WDR17: variants seen among roughly 807,000 people sequenced by gnomAD.
WDR17 encodes WD repeat domain 17, also known as WD repeat-containing protein 17.
Under a neutral mutation model 161.7 loss-of-function variants are expected in WDR17, and 143 were observed. The ratio of observed to expected loss-of-function variants is 0.88; its 90% confidence interval spans 0.77 to 1.02. The LOEUF (loss-of-function observed/expected upper bound fraction) is 1.02. Among genes scored for constraint, WDR17 ranks in the 50% least tolerant of loss-of-function variants. The pLI is 0.00. For missense variants in WDR17, 1,469 were observed against 1,520.9 expected (o/e 0.97, Z 0.57); for synonymous variants, 517 against 515.6 (o/e 1.00, Z -0.04).
rs1041812546 is a variant in WDR17 at position 176,151,383 on chromosome 4, C to A, written c.2305-429C>A. 3.9e-5 allele frequency among the ~76,000 whole-genome samples: 6 copies of A among 152,204 alleles called. No homozygotes were observed. The South Asian group carries it at 1.0e-3, about 26-fold the overall frequency. On this transcript the variant is annotated intron_variant, in intron 16 of 28. Transcript: ENST00000508596. ...AACAATGGGGTTCAATCTCTCCCCT[C>A]CCGTGTCCCACCCCCACACACACCC...
At chr4:176,175,414 T>C (rs935355155) in intron 26 of WDR17, among the ~76,000 whole-genome samples, 3 of 152,216 alleles carry the variant, frequency 2.0e-5, no homozygotes, top group East Asian at 1.9e-4. Flanking sequence ...AAACTTCTTA[T>C]ACTATAAAAT....
intron 18 of WDR17, among the ~76,000 whole-genome samples, chr4:176,157,900 A>T (rs1579218880): frequency 6.6e-6 from 1 of 152,324 alleles, no homozygotes; most frequent in Non-Finnish European, 1.5e-5. Context: ...CATAGGACAT[A>T]ACCAAGTGAA....
At chr4:176,130,287 A>G (rs567487786) in intron 6 of WDR17, among the ~76,000 whole-genome samples, 14 of 146,540 alleles carry the variant, frequency 9.6e-5, no homozygotes, top group Non-Finnish European at 2.1e-4. Flanking sequence ...TAATTTTTAA[A>G]CAAAATATCA....
chr4:176,139,961 A>G lies in WDR17; in HGVS notation c.1429A>G (p.Ser477Gly), dbSNP rs771282427. 3 of 1,611,352 alleles carry G rather than the reference A, an allele frequency of 1.9e-6. No individual in the cohort carries two copies. In the Admixed American group the frequency reaches 5.0e-5, roughly 27 times the overall value. The change falls in exon 10 of 29, where the codon AGT becomes GGT. Residue 477 changes from serine to glycine, a missense_variant. Coordinates refer to ENST00000508596, the MANE Select transcript of WDR17 (RefSeq NM_181265.4). ...TTCTAAAAGAATAGCAACCTGCAGC[A>G]GTGATGGTTTCTGGTAAGTACTATG... ...KDSKRIATCSSDGFCIIRTID... is the reference protein window; with the variant it reads ...KDSKRIATCSGDGFCIIRTID...
At chr4:176,076,155 G>T (rs1052958582) in intron 1 of WDR17, among the ~76,000 whole-genome samples, 1 of 147,860 alleles carries the variant, frequency 6.8e-6, no homozygotes, top group African/African-American at 2.5e-5. Flanking sequence ...AAATAAATTA[G>T]CCTTGAATTT....
chr4:176,137,477 G>T (rs1255827557), intron 8 of WDR17, 43 bp from the exon 9 acceptor site: 7 of 1,476,922 alleles, frequency 4.7e-6, no homozygotes, highest in Admixed American at 3.4e-5. Context: ...AATTACATTT[G>T]TGGGAAACAT....
intron 2 of WDR17, among the ~76,000 whole-genome samples, chr4:176,115,053 G>A (rs1477527832): frequency 6.6e-6 from 1 of 151,918 alleles, no homozygotes; most frequent in African/African-American, 2.4e-5. Context: ...CAAGCATATA[G>A]CTTTAAAAAG....
At chr4:176,098,179 C>A in intron 1 of WDR17, 1 of 192,062 alleles carries the variant, frequency 5.2e-6, no homozygotes, top group Non-Finnish European at 1.1e-5. Flanking sequence ...CTGGTGCTTA[C>A]CACAGGCTGT....
chr4:176,142,122 AATAACC>A, intron 11 of WDR17, 53 bp downstream of exon 11: 3 of 1,449,858 alleles, frequency 2.1e-6, no homozygotes, highest in Non-Finnish European at 2.9e-6. Context: ...GGAAATTTTA[AATAACC>A]ATAAAGTTTA....
chr4:176,168,534 A>G, intron 22 of WDR17, 138 bp from the exon 23 acceptor site: 1 of 901,148 alleles, frequency 1.1e-6, no homozygotes, highest in South Asian at 2.2e-5. Flanking sequence ...TTCATAATTA[A>G]GTAGGCTATT....
intron 15 of WDR17, 142 bp downstream of exon 15, chr4:176,150,315 A>G: frequency 1.4e-6 from 2 of 1,451,500 alleles, no homozygotes; most frequent in South Asian, 1.4e-5. Flanking sequence ...TAAGAAAGCA[A>G]ATGTAAAACT....
At position 176,146,001 on chromosome 4, in the gene WDR17, G is replaced by A. The variant is rs1338269517; in HGVS notation, c.1536G>A (p.Met512Ile). 3 of 1,612,750 alleles carry A rather than the reference G, an allele frequency of 1.9e-6. No homozygotes were observed. Among genetic ancestry groups the A allele is most frequent in the African/African-American group, 2.7e-5 (2 of 74,876 alleles). The change falls in exon 12 of 29, where the codon ATG (methionine) becomes ATA (isoleucine). Residue 512 changes from methionine (M) to isoleucine (I), a missense_variant. Met to Ile is a conservative substitution (Grantham distance 10). Transcript: ENST00000508596. ...TCCATTGATGATATTTCAGAGACAT[G>A]ATAGCCACTGGCTGTGAAGACACAA... Reference protein sequence around the residue: ...GCDWSQNNKDMIATGCEDTNV... With the variant: ...GCDWSQNNKDIIATGCEDTNV...
chr4:176,163,487 T>G (rs1224488677), intron 22 of WDR17, among the ~76,000 whole-genome samples, 194 bp downstream of exon 22: 1 of 152,182 alleles, frequency 6.6e-6, no homozygotes, highest in African/African-American at 2.4e-5. Flanking sequence ...ATAATGAAAT[T>G]TGCCATGATC....
intron 13 of WDR17, among the ~76,000 whole-genome samples, chr4:176,149,231 A>ATT (rs33950521): frequency 6.6e-6 from 1 of 151,642 alleles, no homozygotes; most frequent in African/African-American, 2.4e-5. Flanking sequence ...CTTTCTAATA[A>ATT]TTTTTTTCTT....
At position 176,148,243 on chromosome 4, in the gene WDR17, T is replaced by C. The variant is rs1184403483; in HGVS notation, c.1805T>C (p.Ile602Thr). The change falls in exon 13 of 29, where the codon ATA becomes ACA. Residue 602 changes from isoleucine (I) to threonine (T), a missense_variant. Ile to Thr is a moderately conservative substitution (Grantham distance 89, BLOSUM62 -1). Transcript: ENST00000508596. ...AATACTGAGATTCCATATCTGCTCA[T>C]ATCTGGCAGCTGGGACTATACTATA... ...MWNTEIPYLLISGSWDYTIKV... is the reference protein window; with the variant it reads ...MWNTEIPYLLTSGSWDYTIKV... 31 of 1,613,938 alleles carry C rather than the reference T, an allele frequency of 1.9e-5. No homozygotes were observed. The highest frequency in any genetic ancestry group is 2.5e-5 in the Non-Finnish European group (29 of 1,179,940).
intron 1 of WDR17, among the ~76,000 whole-genome samples, chr4:176,096,310 C>T (rs1477460362): frequency 1.3e-5 from 2 of 151,860 alleles, no homozygotes; most frequent in East Asian, 1.9e-4. Flanking sequence ...ACATTATTGT[C>T]GATTTCTTTC....
intron 8 of WDR17, 43 bp downstream of exon 8, chr4:176,135,319 T>G (rs765746675): frequency 2.5e-6 from 4 of 1,592,654 alleles, no homozygotes; most frequent in Non-Finnish European, 3.4e-6. Context: ...ATGAAATGGC[T>G]TTTTAAAGTT....
At chr4:176,134,960 C>A in intron 7 of WDR17, 148 bp from the exon 8 acceptor site, 1 of 723,690 alleles carries the variant, frequency 1.4e-6, no homozygotes, top group Non-Finnish European at 2.3e-6. Flanking sequence ...TGTAGTGATT[C>A]CAGTTTTCTG....
chr4:176,127,641 T>C (rs1742673643), intron 5 of WDR17, among the ~76,000 whole-genome samples: 1 of 152,206 alleles, frequency 6.6e-6, no homozygotes, highest in South Asian at 2.1e-4. Context: ...ATTACTGAAA[T>C]ATGCTTCACA....
Sources: allele counts gnomAD v4.1 joint callset (sites outside exome capture counted in the v4.1 genomes callset), GRCh38; gene constraint gnomAD v4.1.1; transcripts MANE v1.5; gene names NCBI Gene and HGNC (gene_info 2026-07-23, HGNC 2026-07-21).